The following KIF1B variants were observed in gnomAD, a reference collection of about 807,000 sequenced individuals.
KIF1B encodes the protein kinesin-like protein KIF1B.
A neutral mutation model predicts 241.9 loss-of-function variants in KIF1B; 76 were observed. That is an observed-to-expected ratio of 0.31 (90% CI 0.26 to 0.38). The LOEUF is 0.38. Among genes scored for constraint, KIF1B ranks in the 10% least tolerant of loss-of-function variants. KIF1B has a pLI of 1.00. For missense variants in KIF1B, 1,622 were observed against 2,271.4 expected, an observed-to-expected ratio of 0.71 and a Z score of 5.81; for synonymous variants, 750 against 796.7, an observed-to-expected ratio of 0.94 and a Z score of 0.99.
intron 22 of KIF1B, among the ~76,000 whole-genome samples, chr1:10,316,946 G>T (rs1268646940): frequency 6.6e-6 from 1 of 151,074 alleles, no homozygotes; most frequent in Non-Finnish European, 1.5e-5. Flanking sequence ...TTGCTGTGTT[G>T]CCCAGGCTGG....
At position 10,361,876 on chromosome 1, in the gene KIF1B, A is replaced by G. The variant is rs761720152; in HGVS notation, c.4304+51A>G. 5 of 1,597,444 alleles carry G rather than the reference A, an allele frequency of 3.1e-6. No homozygotes were observed. The South Asian group carries it at 5.5e-5, about 18-fold the overall frequency. On this transcript the variant is annotated intron_variant, in intron 40 of 48. Transcript: ENST00000676179. ...CCAGTGTGTTTGTTCAGTACAACAG[A>G]ATCATTAGTCCTTAAGTATTCTCGG...
chr1:10,373,751 C>G (rs1274300064), intron 45 of KIF1B, among the ~76,000 whole-genome samples: 4 of 152,174 alleles, frequency 2.6e-5, no homozygotes, highest in Non-Finnish European at 4.4e-5. Context: ...CCTGGGTCTT[C>G]CCATTTGTTT....
rs571525585 is a variant in KIF1B, at chr1:10,306,999, G to A, written c.2115+9753G>A. The A allele has an allele frequency of 1.3e-5, 14 of 1,041,838 alleles. No homozygotes were observed. The South Asian group carries it at 5.5e-4, about 41-fold the overall frequency. The allele number at this position is 1,041,838 out of a possible 1,614,324, so 64.5% of individuals were successfully genotyped here. On this transcript the variant is annotated intron_variant, in intron 22 of 48. Coordinates refer to ENST00000676179, the MANE Select transcript of KIF1B (RefSeq NM_001365951.3). ...CATTTACAGCTGTGGATTGTGGTAA[G>A]GACTATGTCCACAGTGATATTCCAA... is the stretch of plus-strand genomic sequence containing the variant.
chr1:10,267,199 G>A (rs1467336544), intron 5 of KIF1B, among the ~76,000 whole-genome samples, 181 bp from the exon 6 acceptor site: 1 of 151,770 alleles, frequency 6.6e-6, no homozygotes, highest in Non-Finnish European at 1.5e-5. Flanking sequence ...TTGTATTTTT[G>A]GTAGAGACGG....
At chr1:10,350,081 G>A (rs1351101376) in intron 37 of KIF1B, among the ~76,000 whole-genome samples, 2 of 152,026 alleles carry the variant, frequency 1.3e-5, no homozygotes. Flanking sequence ...ACAAGGTCAA[G>A]AGATTGAGAC....
intron 22 of KIF1B, among the ~76,000 whole-genome samples, chr1:10,312,599 CAA>C (rs1651116527): frequency 6.6e-6 from 1 of 151,542 alleles, no homozygotes; most frequent in South Asian, 2.1e-4. Context: ...TCCATCCACA[CAA>C]GTTTTCTTGC....
chr1:10,352,458 TAACTC>T (rs776709923), intron 37 of KIF1B, among the ~76,000 whole-genome samples, 168 bp from the exon 38 acceptor site: 1 of 152,214 alleles, frequency 6.6e-6, no homozygotes. Flanking sequence ...GTTTCATAGT[TAACTC>T]AATGTGGGAA....
chr1:10,361,163 T>A lies in KIF1B; in HGVS notation c.4170+120T>A, dbSNP rs1011796932. ...TTGTCCTCTTTCTTCCTCCACATCC[T>A]TAAGTTTTTCATTTTATTATACATT... On this transcript the variant is annotated intron_variant, in intron 39 of 48. Transcript: ENST00000676179. 9 of 743,372 alleles carry A rather than the reference T, an allele frequency of 1.2e-5. No individual in the cohort carries two copies. In the Admixed American group the frequency reaches 1.8e-4, roughly 14 times the overall value. 46.0% of individuals were successfully genotyped at this position (743,372 alleles called of 1,614,324 possible). A position where few individuals can be genotyped will look rare whatever the true frequency, so the allele number is the denominator to read the frequency against.
intron 11 of KIF1B, among the ~76,000 whole-genome samples, chr1:10,275,936 C>T (rs1386655836): frequency 4.8e-5 from 7 of 145,560 alleles, no homozygotes; most frequent in African/African-American, 1.0e-4. Context: ...AGATGGAGTT[C>T]GTGCTGTTGC....
At chr1:10,295,233 G>T in intron 18 of KIF1B, 68 bp downstream of exon 18, 2 of 954,384 alleles carry the variant, frequency 2.1e-6, no homozygotes, top group Non-Finnish European at 3.4e-6. Context: ...ATAACTAAAG[G>T]GAAGGGGTTG....
intron 12 of KIF1B, 45 bp from the exon 13 acceptor site, chr1:10,277,941 G>A: frequency 6.4e-7 from 1 of 1,560,042 alleles, no homozygotes; most frequent in Non-Finnish European, 8.8e-7. Context: ...ATGAGAAGTA[G>A]AACATATGAG....
chr1:10,363,245 T>G (rs539081596), intron 40 of KIF1B, 38 bp from the exon 41 acceptor site: 4 of 1,531,468 alleles, frequency 2.6e-6, no homozygotes, highest in Admixed American at 3.3e-5. Context: ...TTTTTGTGCT[T>G]TAAGAGATTA....
In KIF1B at chr1:10,347,767, C is replaced by T. The variant is rs994141495; in HGVS notation, c.3804C>T (p.Ile1268=). The T allele has an allele frequency of 2.4e-5, 39 of 1,612,876 alleles. No individual in the cohort carries two copies. The highest frequency in any genetic ancestry group is 3.1e-5 in the Non-Finnish European group (36 of 1,179,070). Residue 1268 remains isoleucine, a synonymous_variant, in exon 36 of 49, where the codon ATC becomes ATT. Coordinates refer to ENST00000676179, the MANE Select transcript of KIF1B (RefSeq NM_001365951.3). Reference sequence around the variant, plus strand: ...TTGCGTTTCTATTTTTTAGGTATATCCCAGCTGTGGTTGACCACACAGCAG... The same window carrying T: ...TTGCGTTTCTATTTTTTAGGTATATTCCAGCTGTGGTTGACCACACAGCAG... ...ISELEPTGEY[I]PAVVDHTAGL...
chr1:10,309,552 C>A (rs1650980360), intron 22 of KIF1B, among the ~76,000 whole-genome samples: 1 of 151,376 alleles, frequency 6.6e-6, no homozygotes, highest in African/African-American at 2.5e-5. Context: ...AGGAGCCAAG[C>A]CTTTAATGTC....
At chr1:10,222,520 G>A (rs991306425) in intron 1 of KIF1B, among the ~76,000 whole-genome samples, 3 of 152,150 alleles carry the variant, frequency 2.0e-5, no homozygotes, top group African/African-American at 7.2e-5. Context: ...GAAAAGGAAT[G>A]CTACAAACAC....
intron 22 of KIF1B, among the ~76,000 whole-genome samples, chr1:10,309,035 C>T (rs140467817): frequency 6.6e-6 from 1 of 152,140 alleles, no homozygotes; most frequent in Admixed American, 6.6e-5. Flanking sequence ...TTTTCTTTCT[C>T]CTTTAACCTC....
At chr1:10,217,804 C>CG (rs1189296420) in intron 1 of KIF1B, among the ~76,000 whole-genome samples, 1 of 151,952 alleles carries the variant, frequency 6.6e-6, no homozygotes, top group Admixed American at 6.6e-5. Context: ...CTGTACTCCC[C>CG]CGTGATGCTG....
At chr1:10,273,709 CAAAAAAAAAAAA>C (rs56349613) in intron 10 of KIF1B, among the ~76,000 whole-genome samples, 5 of 49,582 alleles carry the variant, frequency 1.0e-4, no homozygotes, top group South Asian at 1.9e-3. Context: ...TCCTCCTCCT[CAAAAAAAAAAAA>C]AAAAAAAAAA....
chr1:10,252,414 TTGC>T (rs1557665933), intron 2 of KIF1B, among the ~76,000 whole-genome samples: 1 of 151,774 alleles, frequency 6.6e-6, no homozygotes, highest in Non-Finnish European at 1.5e-5. Context: ...GTTGTTGTTG[TTGC>T]TGTTGTTACT....
Sources: allele counts gnomAD v4.1 joint callset (sites outside exome capture counted in the v4.1 genomes callset), GRCh38; gene constraint gnomAD v4.1.1; transcripts MANE v1.5; gene names NCBI Gene and HGNC (gene_info 2026-07-23, HGNC 2026-07-21).